CPNE4: variants seen among roughly 807,000 people sequenced by gnomAD.
CPNE4 encodes copine-4.
Under a neutral mutation model 67.9 loss-of-function variants are expected in CPNE4, and 25 were observed. That is an observed-to-expected ratio of 0.37 (90% CI 0.27 to 0.51). The LOEUF (loss-of-function observed/expected upper bound fraction) is 0.51, where lower values mean the gene tolerates loss of function less well. Among genes scored for constraint, CPNE4 ranks in the 20% least tolerant of loss-of-function variants. The probability of loss-of-function intolerance (pLI) is 0.93; values close to 1 mark genes in which losing one functional copy is unlikely to be tolerated. For missense variants in CPNE4, 464 were observed against 690.8 expected (o/e 0.67, Z 3.68); for synonymous variants, 242 against 244.9 (o/e 0.99, Z 0.11).
In CPNE4 at chr3:131,575,237, G is replaced by A. The variant is rs1040701233; in HGVS notation, c.868-107C>T. On this transcript the variant is annotated intron_variant, in intron 9 of 15. Coordinates refer to ENST00000429747, the MANE Select transcript of CPNE4 (RefSeq NM_130808.3). ...TGATAAGCTGCTAAACCAGAGGAAA[G>A]GGCAGACAGACATCATTGAAAAAAG... The A allele has an allele frequency of 3.5e-6, 3 of 866,452 alleles. No individual in the cohort carries two copies. In the African/African-American group the frequency reaches 5.1e-5, roughly 15 times the overall value. 53.7% of individuals were successfully genotyped at this position (866,452 alleles called of 1,614,324 possible).
chr3:131,732,247 A>C (rs2082144374), intron 2 of CPNE4, among the ~76,000 whole-genome samples: 1 of 152,206 alleles, frequency 6.6e-6, no homozygotes, highest in Non-Finnish European at 1.5e-5. Flanking sequence ...GGAATGAATG[A>C]AAGAAATAAT....
chr3:131,828,404 A>G (rs2085246581), intron 2 of CPNE4, among the ~76,000 whole-genome samples: 1 of 152,188 alleles, frequency 6.6e-6, no homozygotes, highest in African/African-American at 2.4e-5. Flanking sequence ...ACCTTTTAAT[A>G]TTTGACTCCC....
intron 2 of CPNE4, among the ~76,000 whole-genome samples, chr3:131,820,385 C>T (rs1228665546): frequency 6.6e-6 from 1 of 152,162 alleles, no homozygotes; most frequent in Admixed American, 6.5e-5. Context: ...ATTTATCACA[C>T]CTTAATCCAA....
chr3:132,033,670 G>A (rs1322080672), intron 1 of CPNE4, among the ~76,000 whole-genome samples: 2 of 152,220 alleles, frequency 1.3e-5, no homozygotes, highest in African/African-American at 4.8e-5. Flanking sequence ...CGTCAGATTT[G>A]GAACATAGAA....
intron 5 of CPNE4, among the ~76,000 whole-genome samples, chr3:131,686,955 C>G (rs2080906412): frequency 6.6e-6 from 1 of 152,170 alleles, no homozygotes; most frequent in African/African-American, 2.4e-5. Flanking sequence ...TGCTCAGTTT[C>G]TGTTTCTTAG....
Position 131,550,005 on chromosome 3 carries a change from G to A in CPNE4, c.1244C>T (p.Pro415Leu). The change falls in exon 14 of 16, where the codon CCC (proline) becomes CTC (leucine). Residue 415 changes from proline (P) to leucine (L), a missense_variant. Transcript: ENST00000429747. ...TGACTTGGCAACCTTCTGGATGATG[G>A]GGGCAATGTTGGTGGGACCGTAGAG... ...LQLYGPTNIAPIIQKVAKSAS... is the reference protein window; with the variant it reads ...LQLYGPTNIALIIQKVAKSAS... 1 of 1,613,224 alleles carries A rather than the reference G, an allele frequency of 6.2e-7. No individual in the cohort carries two copies. The highest frequency in any genetic ancestry group is 8.5e-7 in the Non-Finnish European group (1 of 1,179,458).
chr3:131,557,182 G>A (rs571043973), intron 11 of CPNE4, among the ~76,000 whole-genome samples: 75 of 152,214 alleles, frequency 4.9e-4, no homozygotes, highest in African/African-American at 1.7e-3. Context: ...GGTGGCTGTC[G>A]CCATAGGGCT....
intron 1 of CPNE4, among the ~76,000 whole-genome samples, chr3:131,994,442 A>T (rs1357623271): frequency 3.2e-5 from 3 of 94,028 alleles, no homozygotes; most frequent in Non-Finnish European, 8.3e-5. Flanking sequence ...CAGCTGCACC[A>T]TCTGGCAGCT....
At chr3:131,785,381 C>T (rs972898581) in intron 2 of CPNE4, among the ~76,000 whole-genome samples, 3 of 151,886 alleles carry the variant, frequency 2.0e-5, no homozygotes, top group Admixed American at 6.6e-5. Flanking sequence ...TTCATTACCT[C>T]CCTCACCTCC....
chr3:131,658,923 GGA>G (rs777338964), intron 7 of CPNE4, among the ~76,000 whole-genome samples: 6 of 152,140 alleles, frequency 3.9e-5, no homozygotes, highest in Non-Finnish European at 7.4e-5. Flanking sequence ...TTAAAATGTG[GGA>G]GAGAAGCTGG....
intron 1 of CPNE4, among the ~76,000 whole-genome samples, chr3:132,007,310 C>T (rs1322163296): frequency 6.6e-6 from 1 of 152,118 alleles, no homozygotes; most frequent in Non-Finnish European, 1.5e-5. Flanking sequence ...CTCAAATTAT[C>T]AAGTTTAATC....
At chr3:131,825,529 T>G (rs1583276034) in intron 2 of CPNE4, among the ~76,000 whole-genome samples, 1 of 149,754 alleles carries the variant, frequency 6.7e-6, no homozygotes, top group East Asian at 1.9e-4. Context: ...CTTCTGTCAG[T>G]AACCATCTTT....
chr3:131,914,472 CAG>C (rs1452893203), intron 1 of CPNE4, among the ~76,000 whole-genome samples: 2 of 152,086 alleles, frequency 1.3e-5, no homozygotes, highest in East Asian at 1.9e-4. Flanking sequence ...CCACATTTCA[CAG>C]AGAGTCCTTT....
intron 2 of CPNE4, among the ~76,000 whole-genome samples, chr3:131,724,554 A>G (rs2081960206): frequency 6.6e-6 from 1 of 152,190 alleles, no homozygotes; most frequent in Non-Finnish European, 1.5e-5. Flanking sequence ...AGTCAGCCAA[A>G]TGGAGGACTT....
intron 1 of CPNE4, among the ~76,000 whole-genome samples, chr3:132,000,157 G>A (rs538534926): frequency 3.9e-4 from 59 of 151,980 alleles, no homozygotes; most frequent in African/African-American, 1.4e-3. Flanking sequence ...GAACAAGATA[G>A]GATAGATAAA....
chr3:131,687,522 T>C (rs2080921878), intron 5 of CPNE4, among the ~76,000 whole-genome samples: 1 of 152,264 alleles, frequency 6.6e-6, no homozygotes, highest in South Asian at 2.1e-4. Context: ...ATCTAGACTT[T>C]AGCAAAGTAG....
chr3:131,695,218 A>G (rs1175191965), intron 5 of CPNE4, among the ~76,000 whole-genome samples: 8 of 152,200 alleles, frequency 5.3e-5, no homozygotes. Flanking sequence ...ATTATGAAGG[A>G]ACTGGGGTTT....
chr3:131,651,845 C>T (rs922976822), intron 7 of CPNE4, among the ~76,000 whole-genome samples: 1 of 152,006 alleles, frequency 6.6e-6, no homozygotes, highest in Non-Finnish European at 1.5e-5. Flanking sequence ...TGTGTGGTCC[C>T]GGGGAAGTAA....
chr3:131,935,415 T>G (rs751802837), intron 1 of CPNE4, among the ~76,000 whole-genome samples: 1 of 152,224 alleles, frequency 6.6e-6, no homozygotes, highest in South Asian at 2.1e-4. Context: ...AAGTGGGATG[T>G]TTTAATTAGC....
Sources: allele counts gnomAD v4.1 joint callset (sites outside exome capture counted in the v4.1 genomes callset), GRCh38; gene constraint gnomAD v4.1.1; transcripts MANE v1.5; gene names NCBI Gene and HGNC (gene_info 2026-07-23, HGNC 2026-07-21).